Variants in EEIG1 observed in about 807,000 individuals in gnomAD.
EEIG1 encodes early estrogen-induced gene 1 protein.
chr9:127,970,822 T>G, the EEIG1 span, among the ~76,000 whole-genome samples: 1 of 47,176 alleles, frequency 2.1e-5, no homozygotes, highest in Non-Finnish European at 6.5e-5. Context: ...TGCCGCAGGC[T>G]GCTCTTCTCC....
chr9:127,950,059 A>G, the EEIG1 span, among the ~76,000 whole-genome samples: 1 of 152,150 alleles, frequency 6.6e-6, no homozygotes, highest in Admixed American at 6.5e-5. Context: ...CTGTGCCTTA[A>G]CTCCCTCCCA....
At chr9:127,951,927 A>G in the EEIG1 span, among the ~76,000 whole-genome samples, 2 of 152,168 alleles carry the variant, frequency 1.3e-5, no homozygotes, top group Non-Finnish European at 2.9e-5. Context: ...AGGCCTGATC[A>G]GCACCACGTC....
At chr9:127,980,443 G>A in the EEIG1 span, 10 of 208,926 alleles carry the variant, frequency 4.8e-5, no homozygotes, top group Admixed American at 1.8e-4. Flanking sequence ...GAGGTGCGGG[G>A]CTGCGCGCGA....
the EEIG1 span, among the ~76,000 whole-genome samples, chr9:127,972,012 T>C: frequency 1.3e-5 from 2 of 151,886 alleles, no homozygotes; most frequent in African/African-American, 4.8e-5. This position sits in a 1 kb window ranked among gnomAD's most constrained non-coding sequence, Gnocchi z 4.3. Context: ...CCGCTGTCTC[T>C]CTCACCCACA....
At chr9:127,977,805 T>C in the EEIG1 span, among the ~76,000 whole-genome samples, 2 of 152,118 alleles carry the variant, frequency 1.3e-5, no homozygotes, top group Admixed American at 1.3e-4. Context: ...TTTCCACCTC[T>C]CTAACATGGG....
At chr9:127,963,158 C>A in the EEIG1 span, among the ~76,000 whole-genome samples, 1 of 152,196 alleles carries the variant, frequency 6.6e-6, no homozygotes, top group Admixed American at 6.5e-5. Context: ...TCGTTTCTGT[C>A]CAAGAGTTGT....
At chr9:127,946,785 G>A in the EEIG1 span, among the ~76,000 whole-genome samples, 3 of 152,318 alleles carry the variant, frequency 2.0e-5, no homozygotes, top group South Asian at 6.2e-4. Context: ...CTTGAGGTCA[G>A]AGGGTCTCTC....
the EEIG1 span, among the ~76,000 whole-genome samples, chr9:127,977,420 G>T: frequency 6.6e-6 from 1 of 152,252 alleles, no homozygotes; most frequent in Non-Finnish European, 1.5e-5. Flanking sequence ...TAGGGAGACA[G>T]TGGCTCCAGG....
chr9:127,945,015 TC>T, the EEIG1 span: 16 of 1,248,572 alleles, frequency 1.3e-5, no homozygotes, highest in Non-Finnish European at 1.7e-5. The surrounding 1 kb of genome is among the most constrained non-coding windows in gnomAD (Gnocchi z 6.5). Flanking sequence ...CCCTGTGCGC[TC>T]CGTGCTGTAC....
the EEIG1 span, chr9:127,953,412 G>C: frequency 3.1e-6 from 2 of 654,622 alleles, no homozygotes; most frequent in Non-Finnish European, 5.4e-6. Flanking sequence ...CCTTTATATT[G>C]AGTGCAAAGA....
chr9:127,953,402 C>T, the EEIG1 span: 1 of 634,824 alleles, frequency 1.6e-6, no homozygotes, highest in Non-Finnish European at 2.8e-6. Context: ...CCATATGCTG[C>T]CTTTATATTG....
the EEIG1 span, among the ~76,000 whole-genome samples, chr9:127,977,598 G>T: frequency 6.6e-6 from 1 of 152,182 alleles, no homozygotes; most frequent in African/African-American, 2.4e-5. Context: ...CCCCAGCCTG[G>T]GCCCCTCTAC....
At chr9:127,965,030 A>C in the EEIG1 span, among the ~76,000 whole-genome samples, 2 of 146,504 alleles carry the variant, frequency 1.4e-5, no homozygotes, top group African/African-American at 5.1e-5. Context: ...AATCTCTTGA[A>C]CCCGGGAGGC....
At chr9:127,968,421 TGTGGAGG>T in the EEIG1 span, among the ~76,000 whole-genome samples, 2 of 152,060 alleles carry the variant, frequency 1.3e-5, no homozygotes, top group Admixed American at 1.3e-4. Flanking sequence ...TCTCCCAGAG[TGTGGAGG>T]TCCTGGAGGA....
chr9:127,945,655 T>C, the EEIG1 span: 1 of 1,589,026 alleles, frequency 6.3e-7, no homozygotes, highest in East Asian at 2.3e-5. The surrounding 1 kb of genome is among the most constrained non-coding windows in gnomAD (Gnocchi z 6.5). Flanking sequence ...TCACCGGAGA[T>C]CTTGGACTGC....
At chr9:127,959,986 C>T in the EEIG1 span, among the ~76,000 whole-genome samples, 2 of 152,174 alleles carry the variant, frequency 1.3e-5, no homozygotes, top group Admixed American at 6.5e-5. Context: ...CTTAACTGTA[C>T]ACTTTAAATG....
At chr9:127,967,977 CTTTTT>C in the EEIG1 span, among the ~76,000 whole-genome samples, 9 of 99,260 alleles carry the variant, frequency 9.1e-5, no homozygotes, top group African/African-American at 1.1e-4. Flanking sequence ...TTCCCCAGGT[CTTTTT>C]TTTTTTTTTT....
the EEIG1 span, chr9:127,948,219 T>C: frequency 3.1e-6 from 5 of 1,613,898 alleles, no homozygotes; most frequent in South Asian, 2.2e-5. Context: ...TGGCAGTCGA[T>C]GGTGGCCTTG....
At chr9:127,943,328 C>T in the EEIG1 span, 4 of 1,302,656 alleles carry the variant, frequency 3.1e-6, no homozygotes, top group Non-Finnish European at 4.5e-6. Context: ...GTTTCACAAG[C>T]AGGTACTGTT....
Sources: gnomAD v4.1 joint callset for allele counts (sites outside exome capture counted in the v4.1 genomes callset) on GRCh38, gnomAD v4.1.1 for gene constraint, Gnocchi (gnomAD v3.1) non-coding constraint, MANE v1.5 for transcripts, NCBI Gene and HGNC (gene_info 2026-07-23, HGNC 2026-07-21) for gene names.